Variants in MPRIP observed in about 807,000 individuals in gnomAD.
MPRIP encodes the protein myosin phosphatase Rho interacting protein.
In MPRIP, 59 loss-of-function variants were observed where a neutral mutation model predicts 234.9. The observed-to-expected ratio is 0.25, with a 90% CI of 0.20 to 0.31. The LOEUF is 0.31. Ranked by LOEUF, MPRIP falls within the 10% of genes least tolerant of loss-of-function variation. The pLI, the probability that MPRIP is intolerant of heterozygous loss-of-function variation, is 1.00. For missense variants in MPRIP, 2,436 were observed against 3,071.0 expected, an observed-to-expected ratio of 0.79 and a Z score of 4.89; for synonymous variants, 1,144 against 1,263.9, an observed-to-expected ratio of 0.91 and a Z score of 2.01.
intron 7 of MPRIP, among the ~76,000 whole-genome samples, chr17:17,141,146 C>T (rs1373980254): frequency 7.2e-5 from 11 of 152,202 alleles, no homozygotes; most frequent in Admixed American, 2.0e-4. Context: ...AGGTTAAAGC[C>T]CAGCAGTTCC....
chr17:17,145,970 C>A, intron 9 of MPRIP, 66 bp from the exon 10 acceptor site: 2 of 1,450,714 alleles, frequency 1.4e-6, no homozygotes, highest in Non-Finnish European at 1.9e-6. Context: ...GAAATACTGG[C>A]CCCATCAGAC....
At chr17:17,091,164 G>A (rs1186452383) in intron 3 of MPRIP, among the ~76,000 whole-genome samples, 1 of 151,960 alleles carries the variant, frequency 6.6e-6, no homozygotes, top group Non-Finnish European at 1.5e-5. Flanking sequence ...GACTTCCAGT[G>A]GGTTTTCAGC....
At chr17:17,109,868 TG>T (rs1358257821) in intron 3 of MPRIP, among the ~76,000 whole-genome samples, 2 of 152,160 alleles carry the variant, frequency 1.3e-5, no homozygotes, top group African/African-American at 2.4e-5. Context: ...CAGGGGGACA[TG>T]GGAGCCGGCT....
At chr17:17,141,772 G>C (rs1166996496) in intron 7 of MPRIP, 2 of 152,570 alleles carry the variant, frequency 1.3e-5, no homozygotes, top group Admixed American at 6.5e-5. Context: ...TAACTTAGGT[G>C]CCCCTGGGAG....
chr17:17,164,290 G>A lies in MPRIP; in HGVS notation c.2699G>A (p.Arg900Gln), dbSNP rs763348480. ...DTIRHHEAEIRSLQARLSNAA... is the reference protein window; with the variant it reads ...DTIRHHEAEIQSLQARLSNAA... ...ATCCGGCACCACGAGGCTGAGATCC[G>A]GAGCCTTCAGGCACGGCTCAGCAAT... The change falls in exon 16 of 24, where the codon CGG (arginine) becomes CAG (glutamine). Residue 900 changes from arginine to glutamine, a missense_variant. Arg to Gln is a conservative substitution (Grantham distance 43). Around this residue, in one of 4 missense-constraint regions of MPRIP, gnomAD observed 1,998 missense variants for 2,520.3 expected, o/e 0.79. Transcript: ENST00000651222. 2.6e-5 allele frequency: 34 copies of A among 1,304,034 alleles called. No individual in the cohort carries two copies. The highest frequency in any genetic ancestry group is 6.9e-5 in the Admixed American group (3 of 43,558). 80.8% of individuals were successfully genotyped at this position (1,304,034 alleles called of 1,614,324 possible). A position where few individuals can be genotyped will look rare whatever the true frequency, so the allele number is the denominator to read the frequency against.
intron 8 of MPRIP, 79 bp downstream of exon 8, chr17:17,142,844 C>A: frequency 6.6e-7 from 1 of 1,505,152 alleles, no homozygotes. Context: ...CAAGTCCCCT[C>A]CACACAGGCC....
chr17:17,121,476 C>T (rs931224145), intron 3 of MPRIP, among the ~76,000 whole-genome samples: 6 of 133,676 alleles, frequency 4.5e-5, no homozygotes, highest in East Asian at 2.6e-4. Flanking sequence ...ATAGTGTGTT[C>T]GGAATGTTCA....
At chr17:17,109,500 A>G (rs2090127532) in intron 3 of MPRIP, among the ~76,000 whole-genome samples, 1 of 152,222 alleles carries the variant, frequency 6.6e-6, no homozygotes, top group Non-Finnish European at 1.5e-5. Flanking sequence ...AGGAGGCTAG[A>G]CTGATCCACG....
intron 2 of MPRIP, 193 bp from the exon 3 acceptor site, chr17:17,077,818 C>A: frequency 1.7e-6 from 1 of 597,284 alleles, no homozygotes. Context: ...GGCCTGTCTC[C>A]CAGCCCAGTC....
intron 3 of MPRIP, among the ~76,000 whole-genome samples, chr17:17,110,562 C>A (rs2090149417): frequency 6.6e-6 from 1 of 152,130 alleles, no homozygotes; most frequent in South Asian, 2.1e-4. Flanking sequence ...CCAGAGAGCA[C>A]AGGGGTGGGG....
intron 1 of MPRIP, among the ~76,000 whole-genome samples, chr17:17,048,476 C>A (rs572706546): frequency 1.3e-5 from 2 of 151,980 alleles, no homozygotes; most frequent in African/African-American, 4.8e-5. Context: ...ATTTCGCATC[C>A]CCCCCTTGTA....
chr17:17,170,456 C>G (rs186982538), intron 16 of MPRIP, among the ~76,000 whole-genome samples: 18 of 152,294 alleles, frequency 1.2e-4, no homozygotes, highest in African/African-American at 4.3e-4. Context: ...TCACCCAGAG[C>G]AGCACATAGG....
At chr17:17,047,439 C>G (rs907575180) in intron 1 of MPRIP, among the ~76,000 whole-genome samples, 12 of 151,932 alleles carry the variant, frequency 7.9e-5, no homozygotes, top group African/African-American at 2.2e-4. Context: ...GGCCTACTTT[C>G]CAAGATTTGT....
At chr17:17,128,865 C>G (rs1193683915) in intron 4 of MPRIP, among the ~76,000 whole-genome samples, 24 of 152,196 alleles carry the variant, frequency 1.6e-4, no homozygotes, top group Admixed American at 1.6e-3. Flanking sequence ...TCCTCTGCTC[C>G]CTCTCTTGCC....
intron 1 of MPRIP, among the ~76,000 whole-genome samples, chr17:17,060,278 G>A (rs2088831058): frequency 6.6e-6 from 1 of 152,224 alleles, no homozygotes; most frequent in Admixed American, 6.5e-5. Context: ...CCAGGGCCGT[G>A]GCCCCAGCTG....
intron 3 of MPRIP, among the ~76,000 whole-genome samples, chr17:17,114,647 G>A (rs4985733): frequency 0.23 from 35,023 of 152,056 alleles, 4,168 homozygotes; most frequent in East Asian, 0.34. Flanking sequence ...GTGGGTGAGG[G>A]GGATGAAAAG....
intron 9 of MPRIP, 48 bp from the exon 10 acceptor site, chr17:17,145,988 A>G: frequency 3.2e-6 from 5 of 1,571,334 alleles, no homozygotes; most frequent in Non-Finnish European, 4.4e-6. Flanking sequence ...GACACTCATG[A>G]CACTAGAAGA....
intron 1 of MPRIP, among the ~76,000 whole-genome samples, chr17:17,051,335 G>A (rs2143846671): frequency 1.3e-5 from 2 of 152,260 alleles, no homozygotes; most frequent in Middle Eastern, 6.8e-3. Flanking sequence ...TACTGGACAT[G>A]GAGGATCATT....
chr17:17,181,107 G>A (rs1282180692), intron 23 of MPRIP, among the ~76,000 whole-genome samples: 1 of 152,232 alleles, frequency 6.6e-6, no homozygotes, highest in African/African-American at 2.4e-5. Flanking sequence ...GTCATTCTAG[G>A]AATGGATAAA....
Sources: allele counts gnomAD v4.1 joint callset (sites outside exome capture counted in the v4.1 genomes callset), GRCh38; gene constraint gnomAD v4.1.1; regional missense constraint gnomAD v4.1.1; transcripts MANE v1.5; gene names NCBI Gene and HGNC (gene_info 2026-07-23, HGNC 2026-07-21).